Variants in SYT16 observed in about 807,000 individuals in gnomAD.
The protein encoded by SYT16 is synaptotagmin-16.
A neutral mutation model predicts 61.4 loss-of-function variants in SYT16; 42 were observed. The observed-to-expected ratio is 0.68, with a 90% CI of 0.53 to 0.89. The LOEUF (loss-of-function observed/expected upper bound fraction) is 0.89, where lower values mean the gene tolerates loss of function less well. SYT16 is among the 40% of genes least tolerant of loss of function. The probability of loss-of-function intolerance (pLI) is 0.00; values close to 1 mark genes in which losing one functional copy is unlikely to be tolerated. For synonymous variants in SYT16, 314 were observed against 302.3 expected (o/e 1.04, Z -0.40); for missense variants, 804 against 807.3 (o/e 1.00, Z 0.05).
chr14:61,908,894 T>C (rs1331161068), intron 1 of SYT16, among the ~76,000 whole-genome samples: 1 of 152,114 alleles, frequency 6.6e-6, no homozygotes, highest in Non-Finnish European at 1.5e-5. Flanking sequence ...GTGATAATGG[T>C]TCACTGCAGC....
chr14:61,851,998 A>G (rs571014620), intron 1 of SYT16, among the ~76,000 whole-genome samples: 1 of 152,162 alleles, frequency 6.6e-6, no homozygotes, highest in African/African-American at 2.4e-5. Context: ...CCTGAATTCA[A>G]TGCCTATATC....
At chr14:62,072,230 C>T (rs149096530) in intron 4 of SYT16, among the ~76,000 whole-genome samples, 3 of 152,128 alleles carry the variant, frequency 2.0e-5, no homozygotes, top group African/African-American at 7.2e-5. Flanking sequence ...CTGGTGTCCT[C>T]AAAACCAGCT....
chr14:61,858,120 C>CAAAAAAAAAAAAAAAAAAAAAAAGAAA (rs2046837291), intron 1 of SYT16, among the ~76,000 whole-genome samples: 2 of 43,222 alleles, frequency 4.6e-5, no homozygotes, highest in African/African-American at 5.8e-5. Context: ...CACAGCTTGG[C>CAAAAAAAAAAAAAAAAAAAAAAAGAAA]AAAAAAAAAA....
chr14:61,838,279 A>G (rs1161273144), intron 1 of SYT16, among the ~76,000 whole-genome samples: 2 of 152,210 alleles, frequency 1.3e-5, no homozygotes, highest in African/African-American at 2.4e-5. Context: ...ATAATATAAG[A>G]ATCCCAGGCT....
intron 4 of SYT16, among the ~76,000 whole-genome samples, chr14:62,072,366 A>G (rs2056330913): frequency 1.3e-5 from 2 of 152,140 alleles, no homozygotes; most frequent in Non-Finnish European, 2.9e-5. Context: ...TGTACATGCA[A>G]ACACCTGCAC....
At chr14:62,067,424 C>T (rs2056107267) in intron 3 of SYT16, among the ~76,000 whole-genome samples, 1 of 152,054 alleles carries the variant, frequency 6.6e-6, no homozygotes, top group African/African-American at 2.4e-5. Flanking sequence ...GACATATAAA[C>T]ACCTGGGGGA....
chr14:61,831,986 G>A (rs930397530), intron 1 of SYT16: 3 of 625,272 alleles, frequency 4.8e-6, no homozygotes, highest in Non-Finnish European at 9.2e-6. Context: ...TGTGCGGGAT[G>A]GGGCCGTACA....
intron 1 of SYT16, among the ~76,000 whole-genome samples, chr14:61,864,021 A>G (rs2047050005): frequency 6.6e-6 from 1 of 152,208 alleles, no homozygotes; most frequent in Non-Finnish European, 1.5e-5. Context: ...GCACGTCTTG[A>G]AGTTGGGTAG....
intron 1 of SYT16, among the ~76,000 whole-genome samples, chr14:61,849,622 T>C (rs773290239): frequency 1.3e-5 from 2 of 152,076 alleles, no homozygotes; most frequent in Non-Finnish European, 2.9e-5. Context: ...CAATGCAAAG[T>C]CCCACAATCA....
intron 1 of SYT16, among the ~76,000 whole-genome samples, chr14:61,850,990 A>G (rs551631383): frequency 8.5e-5 from 13 of 152,282 alleles, no homozygotes; most frequent in Admixed American, 7.8e-4. Flanking sequence ...GGTTTGCTGC[A>G]CAAATCATCC....
chr14:61,978,166 G>T (rs904689206), intron 2 of SYT16, among the ~76,000 whole-genome samples: 3 of 152,130 alleles, frequency 2.0e-5, no homozygotes, highest in African/African-American at 7.2e-5. Context: ...AATATAACAT[G>T]CATAGATTCC....
chr14:62,107,506 T>C lies in SYT16; in HGVS notation c.*6799T>C, dbSNP rs1595428896. The C allele has an allele frequency of 6.6e-6, 1 of 152,206 alleles. No homozygotes were observed. The highest frequency in any genetic ancestry group is 2.4e-5 in the African/African-American group (1 of 41,456). The allele number at this position is 152,206 out of a possible 1,614,324, so 9.4% of individuals were successfully genotyped here. A position where few individuals can be genotyped will look rare whatever the true frequency, so the allele number is the denominator to read the frequency against. On this transcript the variant is annotated 3_prime_UTR_variant, in exon 8 of 8. Coordinates refer to ENST00000683842, the MANE Select transcript of SYT16 (RefSeq NM_001367656.1). ...GGGTTAGGGGTTGGAGAATGGCAGA[T>C]GGATAAAATAGTTTAAGTTCAACAA... is the stretch of plus-strand genomic sequence containing the variant.
intron 7 of SYT16, among the ~76,000 whole-genome samples, chr14:62,086,935 C>T (rs1203206221): frequency 1.3e-5 from 2 of 152,162 alleles, no homozygotes; most frequent in Non-Finnish European, 2.9e-5. Context: ...AGTTTTTTGT[C>T]TCTGTAGAAT....
chr14:62,095,092 A>G (rs1307241356), intron 7 of SYT16, among the ~76,000 whole-genome samples: 1 of 152,076 alleles, frequency 6.6e-6, no homozygotes, highest in East Asian at 1.9e-4. Context: ...TTCACCCAGG[A>G]AAGATCTTAG....
At chr14:62,023,845 T>G (rs966483230) in intron 3 of SYT16, among the ~76,000 whole-genome samples, 1 of 152,152 alleles carries the variant, frequency 6.6e-6, no homozygotes, top group African/African-American at 2.4e-5. Flanking sequence ...CATGTCCTGT[T>G]TATCTTATCT....
intron 1 of SYT16, among the ~76,000 whole-genome samples, chr14:61,879,084 TATTA>T (rs1040845820): frequency 8.5e-4 from 129 of 151,656 alleles, no homozygotes; most frequent in African/African-American, 3.1e-3. Flanking sequence ...CCTTTCCTGC[TATTA>T]ATTTGTGTTT....
intron 3 of SYT16, among the ~76,000 whole-genome samples, chr14:62,057,908 T>C (rs565783030): frequency 6.6e-6 from 1 of 152,240 alleles, no homozygotes; most frequent in South Asian, 2.1e-4. Flanking sequence ...ACTCCAAAAA[T>C]TTCCTCCTGC....
At position 62,105,055 on chromosome 14, in the gene SYT16, A is replaced by T. The variant is rs2057490106; in HGVS notation, c.*4348A>T. On this transcript the variant is annotated 3_prime_UTR_variant, in exon 8 of 8. Coordinates refer to ENST00000683842, the MANE Select transcript of SYT16 (RefSeq NM_001367656.1). ...GGATAGGCTCATGAAGCCAGGCTGG[A>T]TTCGTAAATAAAGGAGGCTTCATCA... 1 of 152,238 alleles carries T rather than the reference A, an allele frequency of 6.6e-6. No individual in the cohort carries two copies. The highest frequency in any genetic ancestry group is 1.5e-5 in the Non-Finnish European group (1 of 68,040). 9.4% of individuals were successfully genotyped at this position (152,238 alleles called of 1,614,324 possible).
intron 1 of SYT16, among the ~76,000 whole-genome samples, chr14:61,870,800 T>C (rs1047025166): frequency 4.6e-5 from 7 of 152,208 alleles, no homozygotes; most frequent in African/African-American, 1.7e-4. Flanking sequence ...CTATGTCTCT[T>C]TTTATCTTCC....
Sources: allele counts gnomAD v4.1 joint callset (sites outside exome capture counted in the v4.1 genomes callset), GRCh38; gene constraint gnomAD v4.1.1; transcripts MANE v1.5; gene names NCBI Gene and HGNC (gene_info 2026-07-23, HGNC 2026-07-21).